The following TMEM132D variants were observed in gnomAD, a reference collection of about 807,000 sequenced individuals.
TMEM132D encodes the protein transmembrane protein 132D.
Under a neutral mutation model 62.3 loss-of-function variants are expected in TMEM132D, and 21 were observed. That is an observed-to-expected ratio of 0.34 (90% CI 0.24 to 0.49). The LOEUF (loss-of-function observed/expected upper bound fraction) is 0.49, where lower values mean the gene tolerates loss of function less well. TMEM132D is among the 20% of genes least tolerant of loss of function. The pLI, the probability that TMEM132D is intolerant of heterozygous loss-of-function variation, is 0.99. For missense variants in TMEM132D, 1,346 were observed against 1,402.8 expected, an observed-to-expected ratio of 0.96 and a Z score of 0.65; for synonymous variants, 621 against 575.6, an observed-to-expected ratio of 1.08 and a Z score of -1.13.
chr12:129,468,512 C>T (rs979575859), intron 3 of TMEM132D, among the ~76,000 whole-genome samples: 12 of 152,206 alleles, frequency 7.9e-5, no homozygotes, highest in African/African-American at 2.9e-4. Context: ...TTGCCTACAC[C>T]TCCAGCCTCA....
Position 129,846,055 on chromosome 12 carries a change from T to G in TMEM132D, c.79+57206A>C, listed in dbSNP as rs1873352282. Among the ~76,000 whole-genome samples the G allele has an allele frequency of 3.9e-5, 6 of 152,196 alleles. No individual in the cohort carries two copies. The South Asian group carries it at 1.2e-3, about 32-fold the overall frequency. On this transcript the variant is annotated intron_variant, in intron 1 of 8. Coordinates refer to ENST00000422113, the MANE Select transcript of TMEM132D (RefSeq NM_133448.3). ...ATGGCAATGATAAACCAACATGGAC[T>G]GGTGGGCATTTCTTATGGGGAGGTG...
intron 1 of TMEM132D, among the ~76,000 whole-genome samples, chr12:129,848,583 G>C (rs1164790714): frequency 1.3e-5 from 2 of 152,190 alleles, no homozygotes; most frequent in South Asian, 2.1e-4. Flanking sequence ...CCTGGGTAGA[G>C]GTGTAGGACA....
At chr12:129,536,997 A>G (rs1259646484) in intron 2 of TMEM132D, among the ~76,000 whole-genome samples, 1 of 151,966 alleles carries the variant, frequency 6.6e-6, no homozygotes, top group Non-Finnish European at 1.5e-5. Flanking sequence ...TCTCTACTAA[A>G]AATACAAAAT....
chr12:129,254,263 CCGATTA>C (rs1880344944), intron 4 of TMEM132D, among the ~76,000 whole-genome samples: 1 of 152,220 alleles, frequency 6.6e-6, no homozygotes, highest in Non-Finnish European at 1.5e-5. Flanking sequence ...GATGGACATC[CCGATTA>C]CTCTGATTTG....
intron 3 of TMEM132D, among the ~76,000 whole-genome samples, chr12:129,519,643 C>G (rs1057462921): frequency 6.7e-6 from 1 of 149,390 alleles, no homozygotes; most frequent in Non-Finnish European, 1.5e-5. Flanking sequence ...GAGTCTTACT[C>G]TGTGGCCCAG....
intron 2 of TMEM132D, among the ~76,000 whole-genome samples, chr12:129,575,316 C>T (rs568155698): frequency 1.3e-5 from 2 of 151,808 alleles, no homozygotes; most frequent in Admixed American, 6.6e-5. Context: ...AAAGTCATTC[C>T]GCCGGTCCTG....
chr12:129,724,544 T>A (rs1272171346), intron 1 of TMEM132D, among the ~76,000 whole-genome samples: 1 of 152,212 alleles, frequency 6.6e-6, no homozygotes, highest in Non-Finnish European at 1.5e-5. Context: ...TGTTTTGAGA[T>A]GGAGTCTCGC....
At chr12:129,718,882 G>A (rs530618197) in intron 1 of TMEM132D, among the ~76,000 whole-genome samples, 16 of 152,118 alleles carry the variant, frequency 1.1e-4, no homozygotes, top group African/African-American at 3.6e-4. Context: ...TGCTCAATAC[G>A]TTTTAGTTAG....
chr12:129,124,200 C>G (rs1876146997), intron 5 of TMEM132D, among the ~76,000 whole-genome samples: 1 of 152,182 alleles, frequency 6.6e-6, no homozygotes, highest in East Asian at 1.9e-4. Context: ...ACCTCTCTTT[C>G]TCCACTTCTG....
intron 3 of TMEM132D, among the ~76,000 whole-genome samples, chr12:129,448,439 C>T (rs1302575697): frequency 1.3e-5 from 2 of 152,140 alleles, no homozygotes; most frequent in Non-Finnish European, 2.9e-5. Context: ...GTGTTCTCAT[C>T]ATTTAGGTCC....
At chr12:129,620,012 A>C (rs1241649044) in intron 2 of TMEM132D, among the ~76,000 whole-genome samples, 2 of 152,192 alleles carry the variant, frequency 1.3e-5, no homozygotes, top group South Asian at 2.1e-4. Flanking sequence ...CAGTGTGTCT[A>C]AACCATACAC....
chr12:129,826,792 G>A (rs73440430), intron 1 of TMEM132D, among the ~76,000 whole-genome samples: 15,804 of 152,158 alleles, frequency 0.1, 886 homozygotes, highest in Non-Finnish European at 0.12. Context: ...ATCCATCCGA[G>A]GACTGGGTGA....
At chr12:129,237,919 C>T (rs1359361938) in intron 4 of TMEM132D, among the ~76,000 whole-genome samples, 3 of 152,286 alleles carry the variant, frequency 2.0e-5, no homozygotes, top group Non-Finnish European at 2.9e-5. Context: ...CAAAAATGTG[C>T]ATCCTGATGT....
At chr12:129,742,262 G>T (rs1193492568) in intron 1 of TMEM132D, among the ~76,000 whole-genome samples, 3 of 152,192 alleles carry the variant, frequency 2.0e-5, no homozygotes, top group Non-Finnish European at 4.4e-5. Context: ...ACACAGTTCT[G>T]CCAGCTGTGC....
At chr12:129,137,398 C>G (rs930039914) in intron 5 of TMEM132D, among the ~76,000 whole-genome samples, 1 of 152,202 alleles carries the variant, frequency 6.6e-6, no homozygotes, top group Admixed American at 6.5e-5. Flanking sequence ...GGTACTATTA[C>G]TACCCCCATT....
chr12:129,428,380 G>C (rs760164291), intron 3 of TMEM132D, among the ~76,000 whole-genome samples: 1 of 152,206 alleles, frequency 6.6e-6, no homozygotes, highest in Non-Finnish European at 1.5e-5. Flanking sequence ...ATCAAGGCTG[G>C]AGTGTGAAAT....
At chr12:129,828,170 C>T (rs1593177844) in intron 1 of TMEM132D, among the ~76,000 whole-genome samples, 2 of 152,092 alleles carry the variant, frequency 1.3e-5, no homozygotes, top group East Asian at 3.9e-4. Context: ...GAATTATTGG[C>T]AGAGGTTCTG....
chr12:129,200,093 C>T (rs1333634592), intron 5 of TMEM132D, among the ~76,000 whole-genome samples: 1 of 152,078 alleles, frequency 6.6e-6, no homozygotes, highest in African/African-American at 2.4e-5. Flanking sequence ...TTTATCTTCC[C>T]CTAACTCTCC....
chr12:129,453,675 A>T (rs1374668564), intron 3 of TMEM132D, among the ~76,000 whole-genome samples: 1 of 152,172 alleles, frequency 6.6e-6, no homozygotes, highest in African/African-American at 2.4e-5. Context: ...TCCAGGCTCC[A>T]CCTTCAGTGA....
Sources: gnomAD v4.1 joint callset for allele counts (sites outside exome capture counted in the v4.1 genomes callset) on GRCh38, gnomAD v4.1.1 for gene constraint, MANE v1.5 for transcripts, NCBI Gene and HGNC (gene_info 2026-07-23, HGNC 2026-07-21) for gene names.